Variants in NFE2L1 observed in about 807,000 individuals in gnomAD.
NFE2L1 encodes NFE2 like bZIP transcription factor 1.
A neutral mutation model predicts 61.6 loss-of-function variants in NFE2L1; 18 were observed. That is an observed-to-expected ratio of 0.29 (90% CI 0.20 to 0.43). The LOEUF (loss-of-function observed/expected upper bound fraction) is 0.43. NFE2L1 is among the 20% of genes least tolerant of loss of function. The pLI is 1.00. For missense variants in NFE2L1, 827 were observed against 973.5 expected, an observed-to-expected ratio of 0.85 and a Z score of 2.00; for synonymous variants, 419 against 402.7, an observed-to-expected ratio of 1.04 and a Z score of -0.48.
At chr17:48,054,588 G>A (rs1458521874) in intron 2 of NFE2L1, 62 of 1,223,402 alleles carry the variant, frequency 5.1e-5, no homozygotes, top group Non-Finnish European at 6.0e-5. Flanking sequence ...AGCCTCAGCA[G>A]TGACCTGCGG....
intron 4 of NFE2L1, 30 bp downstream of exon 4, chr17:48,057,151 A>G (rs375583998): frequency 6.9e-5 from 111 of 1,610,164 alleles, no homozygotes; most frequent in Non-Finnish European, 8.7e-5. Flanking sequence ...GAGTCCACCA[A>G]GTGAGCAGGG....
intron 1 of NFE2L1, chr17:48,048,703 A>T (rs1247321189): frequency 7.6e-6 from 1 of 132,326 alleles, no homozygotes; most frequent in Non-Finnish European, 1.6e-5. Flanking sequence ...TGAGGCCTGG[A>T]CTTGGGAGTG....
Position 48,051,664 on chromosome 17 carries a change from G to A in NFE2L1, c.510+36G>A, listed in dbSNP as rs201141046. 2.4e-4 allele frequency: 375 copies of A among 1,577,362 alleles called. 4 individuals carry two copies. The highest frequency in any genetic ancestry group is 1.9e-3 in the Middle Eastern group (9 of 4,694). On this transcript the variant is annotated intron_variant, in intron 2 of 5. Coordinates refer to ENST00000362042, the MANE Select transcript of NFE2L1 (RefSeq NM_003204.3). Reference sequence around the variant, plus strand: ...CTGTGGTGGGTGTGTGGGGCCTGGGGCTTGGGGGTGGGCTGGTCCCAAAGG... The same window carrying A: ...CTGTGGTGGGTGTGTGGGGCCTGGGACTTGGGGGTGGGCTGGTCCCAAAGG...
At chr17:48,054,789 G>C (rs2037350294) in intron 2 of NFE2L1, 1 of 1,314,610 alleles carries the variant, frequency 7.6e-7, no homozygotes, top group Non-Finnish European at 9.7e-7. Flanking sequence ...GCAGCTGGGC[G>C]CCTGAGTGGA....
chr17:48,049,613 A>G (rs903183899), intron 1 of NFE2L1, among the ~76,000 whole-genome samples: 2 of 152,164 alleles, frequency 1.3e-5, no homozygotes, highest in Non-Finnish European at 2.9e-5. Flanking sequence ...GGCTGGTCTC[A>G]AACTCCCGAC....
In NFE2L1 at chr17:48,061,309, G is replaced by A. The variant is rs1468154894; in HGVS notation, c.*1668G>A. The A allele has an allele frequency of 1.3e-5, 2 of 152,208 alleles. No individual in the cohort carries two copies. The highest frequency in any genetic ancestry group is 4.8e-5 in the African/African-American group (2 of 41,444). 9.4% of individuals were successfully genotyped at this position (152,208 alleles called of 1,614,324 possible). ...GGGGGAAGCACTGATTCCCAGTTAGGGGGTGCCTAACTGAGCAGTAGGGAT... is the reference window on the plus strand; with the variant it reads ...GGGGGAAGCACTGATTCCCAGTTAGAGGGTGCCTAACTGAGCAGTAGGGAT... On this transcript the variant is annotated 3_prime_UTR_variant, in exon 6 of 6. Coordinates refer to ENST00000362042, the MANE Select transcript of NFE2L1 (RefSeq NM_003204.3).
intron 2 of NFE2L1, chr17:48,055,139 G>A: frequency 7.1e-7 from 1 of 1,401,136 alleles, no homozygotes; most frequent in Non-Finnish European, 9.3e-7. Context: ...TGGGTCCAGG[G>A]CTTCTGTTCA....
rs1179290027 is a variant in NFE2L1 at position 48,058,438 on chromosome 17, C to T, written c.1116C>T (p.Ser372=). 1.2e-6 allele frequency: 2 copies of T among 1,614,222 alleles called. No homozygotes were observed. The highest frequency in any genetic ancestry group is 1.6e-4 in the Middle Eastern group (1 of 6,062). The change falls in exon 6 of 6, where the codon AGC becomes AGT. Residue 372 remains serine, a synonymous_variant. Transcript: ENST00000362042. ...SLHQASLGGC[S]QDFLLFSPEV... ...ATCAGGCGTCCCTGGGGGGCTGCAG[C>T]CAGGACTTCTTACTCTTCAGCCCCG...
At chr17:48,054,632 A>T (rs1598285278) in intron 2 of NFE2L1, 3 of 921,632 alleles carry the variant, frequency 3.3e-6, no homozygotes, top group East Asian at 1.3e-4. Context: ...TCCCTGCTGC[A>T]GCCTAGGTAA....
In NFE2L1 at chr17:48,051,101, C is replaced by T. The variant is rs1018718200; in HGVS notation, c.-18C>T. On this transcript the variant is annotated 5_prime_UTR_variant, in exon 2 of 6. Transcript: ENST00000362042. ...GATTTTAAAAACCAAAAAGCATAAACATTCTGGTCCTTCAGCAATGCTTTC... is the reference window on the plus strand; with the variant it reads ...GATTTTAAAAACCAAAAAGCATAAATATTCTGGTCCTTCAGCAATGCTTTC... 3 of 1,614,126 alleles carry T rather than the reference C, an allele frequency of 1.9e-6. No homozygotes were observed. The highest frequency in any genetic ancestry group is 3.3e-5 in the Admixed American group (2 of 60,016).
At chr17:48,049,278 C>T (rs2037180995) in intron 1 of NFE2L1, 1 of 152,286 alleles carries the variant, frequency 6.6e-6, no homozygotes, top group Non-Finnish European at 1.5e-5. Context: ...TGCTTTGGCT[C>T]AGAAGGTCAT....
chr17:48,059,551 C>A lies in NFE2L1; in HGVS notation c.2229C>A (p.Ala743=), dbSNP rs766791282. The A allele has an allele frequency of 1.9e-6, 3 of 1,611,764 alleles. No individual in the cohort carries two copies. In the East Asian group the frequency reaches 6.7e-5, roughly 36 times the overall value. Residue 743 remains alanine, a synonymous_variant, in exon 6 of 6, where the codon GCC becomes GCA. Transcript: ENST00000362042. This position sits in a 1 kb window ranked among gnomAD's most constrained non-coding sequence, Gnocchi z 6.1. Reference sequence around the variant, plus strand: ...CCAGTCAGTATGCGCTCCAGTACGCCGGGGACGGCAGTGTCCTCCTCATCC... The same window carrying A: ...CCAGTCAGTATGCGCTCCAGTACGCAGGGGACGGCAGTGTCCTCCTCATCC... ...YSPSQYALQY[A]GDGSVLLIPR... is the part of the protein sequence containing the mutation.
At position 48,061,012 on chromosome 17, in the gene NFE2L1, T is replaced by G. The variant is rs1004265345; in HGVS notation, c.*1371T>G. On this transcript the variant is annotated 3_prime_UTR_variant, in exon 6 of 6. Coordinates refer to ENST00000362042, the MANE Select transcript of NFE2L1 (RefSeq NM_003204.3). ...TCGTCGTCTGCTTTCTTTTTTGGGT[T>G]TCTTTCTAGAAGATTGAGAAGTGCA... 1 of 152,648 alleles carries G rather than the reference T, an allele frequency of 6.6e-6. No homozygotes were observed. The highest frequency in any genetic ancestry group is 2.4e-5 in the African/African-American group (1 of 41,448). The allele number at this position is 152,648 out of a possible 1,614,324, so 9.5% of individuals were successfully genotyped here.
chr17:48,056,693 A>T (rs964050168), intron 3 of NFE2L1, 95 bp downstream of exon 3: 1 of 1,453,448 alleles, frequency 6.9e-7, no homozygotes, highest in East Asian at 2.4e-5. Context: ...TTTAGAGAAG[A>T]CAGGTGGTGT....
In NFE2L1 at chr17:48,050,789, A is replaced by G. The variant is rs2037230094; in HGVS notation, c.-330A>G. 2 of 552,466 alleles carry G rather than the reference A, an allele frequency of 3.6e-6. No individual in the cohort carries two copies. The highest frequency in any genetic ancestry group is 6.5e-5 in the Admixed American group (2 of 30,946). The allele number at this position is 552,466 out of a possible 1,614,324, so 34.2% of individuals were successfully genotyped here. ...ACAGAGAGGACAACTAATGTGAGTG[A>G]GGAAGTGACTGTATGTGGACTGTGG... On this transcript the variant is annotated 5_prime_UTR_variant, in exon 2 of 6. Transcript: ENST00000362042.
intron 2 of NFE2L1, chr17:48,054,906 G>A: frequency 7.2e-7 from 1 of 1,387,930 alleles, no homozygotes; most frequent in Non-Finnish European, 9.3e-7. Flanking sequence ...GCCCCTCGGA[G>A]CTAGCAAGGG....
rs932378689 is a variant in NFE2L1, at chr17:48,055,285, T to C, written c.511-1101T>C. On this transcript the variant is annotated intron_variant, in intron 2 of 5. Transcript: ENST00000362042. ...AGGAAATTGCTTTCTGGAAAGTGTA[T>C]GTCTGCATTTTAACCCCTGGATGGA... The C allele has an allele frequency of 5.9e-5, 63 of 1,066,946 alleles. No homozygotes were observed. The East Asian group carries it at 6.1e-4, about 10-fold the overall frequency. The allele number at this position is 1,066,946 out of a possible 1,614,324, so 66.1% of individuals were successfully genotyped here. A position where few individuals can be genotyped will look rare whatever the true frequency, so the allele number is the denominator to read the frequency against.
rs904650130 is a variant in NFE2L1 at position 48,059,679 on chromosome 17, G to A, written c.*38G>A. The stretch of plus-strand genomic sequence containing the variant: ...AGGGGGTTTGAAGCCCACCAAGACC[G>A]AAACTGGAGAAGGGCTGGACCTGGA... On this transcript the variant is annotated 3_prime_UTR_variant, in exon 6 of 6. Coordinates refer to ENST00000362042, the MANE Select transcript of NFE2L1 (RefSeq NM_003204.3). This position sits in a 1 kb window ranked among gnomAD's most constrained non-coding sequence, Gnocchi z 6.1. 6.6e-6 allele frequency: 10 copies of A among 1,518,960 alleles called. No individual in the cohort carries two copies. Among genetic ancestry groups the A allele is most frequent in the South Asian group, 1.3e-5 (1 of 76,202 alleles). The allele number at this position is 1,518,960 out of a possible 1,614,324, so 94.1% of individuals were successfully genotyped here.
At position 48,059,643 on chromosome 17, in the gene NFE2L1, C is replaced by G. The variant is rs1394159341; in HGVS notation, c.*2C>G. 7 of 1,541,020 alleles carry G rather than the reference C, an allele frequency of 4.5e-6. No individual in the cohort carries two copies. The highest frequency in any genetic ancestry group is 6.1e-6 in the Non-Finnish European group (7 of 1,144,444). Reference sequence around the variant, plus strand: ...AAGCCAAAGGACCGGAGAAAGTGAGCCTGGGGAAGAAGGGGGTTTGAAGCC... The same window carrying G: ...AAGCCAAAGGACCGGAGAAAGTGAGGCTGGGGAAGAAGGGGGTTTGAAGCC... On this transcript the variant is annotated 3_prime_UTR_variant, in exon 6 of 6. Coordinates refer to ENST00000362042, the MANE Select transcript of NFE2L1 (RefSeq NM_003204.3). The surrounding 1 kb of genome is among the most constrained non-coding windows in gnomAD (Gnocchi z 6.1).
Sources: gnomAD v4.1 joint callset for allele counts (sites outside exome capture counted in the v4.1 genomes callset) on GRCh38, gnomAD v4.1.1 for gene constraint, Gnocchi (gnomAD v3.1) non-coding constraint, MANE v1.5 for transcripts, NCBI Gene and HGNC (gene_info 2026-07-23, HGNC 2026-07-21) for gene names.